The following COL22A1 variants were observed in gnomAD, a reference collection of about 807,000 sequenced individuals.
COL22A1 encodes the protein collagen type XXII alpha 1 chain.
COL22A1 carries 221 observed loss-of-function variants against 248.9 expected under a neutral mutation model. The observed-to-expected ratio is 0.89, with a 90% CI of 0.80 to 0.99. The LOEUF (loss-of-function observed/expected upper bound fraction) is 0.99, where lower values mean the gene tolerates loss of function less well. Ranked by LOEUF, COL22A1 falls within the 50% of genes least tolerant of loss-of-function variation. The probability of loss-of-function intolerance (pLI) is 0.00; values close to 1 mark genes in which losing one functional copy is unlikely to be tolerated. For synonymous variants in COL22A1, 891 were observed against 793.4 expected (o/e 1.12, Z -2.07); for missense variants, 2,240 against 2,179.0 (o/e 1.03, Z -0.56).
Position 138,839,450 on chromosome 8 carries a change from C to T in COL22A1, c.733+4634G>A, listed in dbSNP as rs77398359. Among the ~76,000 whole-genome samples, 1,025 of 152,284 alleles carry T rather than the reference C, an allele frequency of 6.7e-3. 11 individuals are homozygous for T. Among genetic ancestry groups the T allele is most frequent in the African/African-American group, 0.023 (973 of 41,562 alleles). On this transcript the variant is annotated intron_variant, in intron 4 of 64. Transcript: ENST00000303045. ...GTGAGGGAGAAATACCATCTGGTTTCTATTTTCCAAGGTCATTCTGGCAGC... is the reference window on the plus strand; with the variant it reads ...GTGAGGGAGAAATACCATCTGGTTTTTATTTTCCAAGGTCATTCTGGCAGC...
At chr8:138,698,145 G>T (rs1280026297) in intron 32 of COL22A1, among the ~76,000 whole-genome samples, 3 of 152,208 alleles carry the variant, frequency 2.0e-5, no homozygotes, top group African/African-American at 4.8e-5. Context: ...GGACCTGAGG[G>T]AGGGAGGCCC....
intron 23 of COL22A1, among the ~76,000 whole-genome samples, chr8:138,727,408 C>T (rs1830397585): frequency 6.6e-6 from 1 of 152,206 alleles, no homozygotes; most frequent in South Asian, 2.1e-4. Context: ...AGGGCAGGCC[C>T]TTCTTGTTCC....
intron 47 of COL22A1, among the ~76,000 whole-genome samples, chr8:138,643,217 C>T (rs1436958166): frequency 6.6e-6 from 1 of 152,160 alleles, no homozygotes; most frequent in African/African-American, 2.4e-5. Context: ...GAAGATGCTA[C>T]ACTTTCCTGA....
intron 1 of COL22A1, among the ~76,000 whole-genome samples, chr8:138,890,822 GGGCAACATGGTGAAAC>G (rs1825011582): frequency 6.6e-6 from 1 of 151,872 alleles, no homozygotes; most frequent in South Asian, 2.1e-4. Context: ...AGACCAGCAT[GGGCAACATGGTGAAAC>G]CTCGTCTCTA....
rs80342997 is a variant in COL22A1 at position 138,696,069 on chromosome 8, C to G, written c.2593-1190G>C. Reference sequence around the variant, plus strand: ...TATCTGCAAAATAAAGAGGTGGTCCCCTTTTCACATAGGGTGAAGGTCAAT... The same window carrying G: ...TATCTGCAAAATAAAGAGGTGGTCCGCTTTTCACATAGGGTGAAGGTCAAT... On this transcript the variant is annotated intron_variant, in intron 32 of 64. Transcript: ENST00000303045. Among the ~76,000 whole-genome samples the G allele has an allele frequency of 9.3e-3, 1,419 of 152,254 alleles. 22 individuals carry two copies. Among genetic ancestry groups the G allele is most frequent in the African/African-American group, 0.033 (1,361 of 41,516 alleles).
intron 37 of COL22A1, among the ~76,000 whole-genome samples, chr8:138,685,556 G>C (rs528366324): frequency 8.5e-5 from 13 of 152,250 alleles, no homozygotes; most frequent in African/African-American, 2.9e-4. Context: ...TGTGATTAAA[G>C]TTAGGATGAG....
intron 5 of COL22A1, among the ~76,000 whole-genome samples, chr8:138,828,517 C>T (rs546573823): frequency 6.6e-6 from 1 of 152,256 alleles, no homozygotes; most frequent in Admixed American, 6.5e-5. Flanking sequence ...TTCAATAAAG[C>T]ACTTACACTT....
intron 3 of COL22A1, among the ~76,000 whole-genome samples, chr8:138,874,593 C>T (rs1318227643): frequency 6.6e-6 from 1 of 152,188 alleles, no homozygotes; most frequent in African/African-American, 2.4e-5. Context: ...TTCTCCTCCC[C>T]GGTTTGCAGG....
At chr8:138,868,714 A>C (rs1380201976) in intron 3 of COL22A1, among the ~76,000 whole-genome samples, 1 of 150,954 alleles carries the variant, frequency 6.6e-6, no homozygotes, top group African/African-American at 2.4e-5. Flanking sequence ...TACAAGGTAG[A>C]GAGTGTCATC....
chr8:138,822,456 T>C lies in COL22A1; in HGVS notation c.970-1045A>G, dbSNP rs188942852. On this transcript the variant is annotated intron_variant, in intron 6 of 64. Transcript: ENST00000303045. ...CATCCTGTGTGCCCAGCAGGCAACA[T>C]GCCAGGTGTCAGGAACACAACACAA... Among the ~76,000 whole-genome samples, 449 of 152,316 alleles carry C rather than the reference T, an allele frequency of 2.9e-3. 5 individuals are homozygous for C. The highest frequency in any genetic ancestry group is 0.01 in the African/African-American group (432 of 41,568).
At chr8:138,817,823 A>G (rs1018933090) in intron 7 of COL22A1, among the ~76,000 whole-genome samples, 1 of 152,184 alleles carries the variant, frequency 6.6e-6, no homozygotes, top group Non-Finnish European at 1.5e-5. Flanking sequence ...ACAGCATTTA[A>G]TCACACAACA....
intron 22 of COL22A1, among the ~76,000 whole-genome samples, chr8:138,746,568 C>T (rs930759179): frequency 6.6e-6 from 1 of 152,202 alleles, no homozygotes; most frequent in South Asian, 2.1e-4. Flanking sequence ...CAGGGAATCA[C>T]CTTTGATGAC....
At chr8:138,766,826 G>T (rs1020087106) in intron 16 of COL22A1, among the ~76,000 whole-genome samples, 2 of 152,220 alleles carry the variant, frequency 1.3e-5, no homozygotes, top group African/African-American at 4.8e-5. Context: ...CCCATCCTGA[G>T]GCCACACTAG....
chr8:138,873,746 TTGAATGAATGAA>T lies in COL22A1; in HGVS notation c.658+3992_658+4003del, dbSNP rs377320261. On this transcript the variant is annotated intron_variant, in intron 3 of 64. Coordinates refer to ENST00000303045, the MANE Select transcript of COL22A1 (RefSeq NM_152888.3). Reference sequence around the variant, plus strand: ...ACAGAGGAATGACTAAATGTGCTTGTTGAATGAATGAATGAATGAATGAAGGGAATGTTTACT... The same window carrying T: ...ACAGAGGAATGACTAAATGTGCTTGTTGAATGAATGAAGGGAATGTTTACT... Among the ~76,000 whole-genome samples the T allele has an allele frequency of 1.7e-3, 261 of 152,206 alleles. 2 individuals are homozygous for T. Among genetic ancestry groups the T allele is most frequent in the African/African-American group, 6.0e-3 (248 of 41,524 alleles).
chr8:138,635,043 A>C lies in COL22A1; in HGVS notation c.3576T>G (p.Gly1192=). The C allele has an allele frequency of 1.2e-6, 2 of 1,610,042 alleles. No homozygotes were observed. The highest frequency in any genetic ancestry group is 1.7e-6 in the Non-Finnish European group (2 of 1,177,370). The change falls in exon 49 of 65, where the codon GGT becomes GGG. Residue 1192 remains glycine, a synonymous_variant. Transcript: ENST00000303045. ...KGDQGHPGVP[G]FMGPPGNPGP... is the part of the protein sequence containing the mutation. ...CAGGGTTCCCTGGGGGCCCCATGAA[A>C]CCTGGAACTCCAGGATGACCCTAGG...
chr8:138,660,723 G>C (rs1823749057), intron 43 of COL22A1, among the ~76,000 whole-genome samples: 1 of 152,044 alleles, frequency 6.6e-6, no homozygotes, highest in Non-Finnish European at 1.5e-5. Context: ...CACAACTCCT[G>C]TCCTAAACAC....
chr8:138,830,219 A>G (rs1277539258), intron 5 of COL22A1, among the ~76,000 whole-genome samples: 1 of 152,216 alleles, frequency 6.6e-6, no homozygotes, highest in Admixed American at 6.5e-5. Context: ...TGAACAAATC[A>G]CTGTCCCATT....
intron 30 of COL22A1, among the ~76,000 whole-genome samples, chr8:138,705,425 C>T (rs773340922): frequency 1.2e-4 from 19 of 152,162 alleles, no homozygotes; most frequent in Non-Finnish European, 2.2e-4. Context: ...AGACTAACAG[C>T]GGATCTCTCA....
chr8:138,616,090 T>C (rs952667866), intron 54 of COL22A1, 36 bp from the exon 55 acceptor site: 41 of 1,563,858 alleles, frequency 2.6e-5, no homozygotes, highest in Non-Finnish European at 5.3e-6. Context: ...GGGAAGGAGA[T>C]GCTTCAGCCA....
Sources: gnomAD v4.1 joint callset for allele counts (sites outside exome capture counted in the v4.1 genomes callset) on GRCh38, gnomAD v4.1.1 for gene constraint, MANE v1.5 for transcripts, NCBI Gene and HGNC (gene_info 2026-07-23, HGNC 2026-07-21) for gene names.